ESRRG: variants seen among roughly 807,000 people sequenced by gnomAD.
ESRRG encodes estrogen-related receptor gamma.
In ESRRG, 13 loss-of-function variants were observed where a neutral mutation model predicts 44.0. The observed-to-expected ratio is 0.30, with a 90% CI of 0.19 to 0.47. ESRRG has a LOEUF of 0.47. ESRRG is among the 20% of genes least tolerant of loss of function. The pLI, the probability that ESRRG is intolerant of heterozygous loss-of-function variation, is 1.00. For synonymous variants in ESRRG, 215 were observed against 214.6 expected, an observed-to-expected ratio of 1.00 and a Z score of -0.02; for missense variants, 395 against 580.6, an observed-to-expected ratio of 0.68 and a Z score of 3.29.
At chr1:217,065,462 C>A (rs2089473093) in intron 1 of ESRRG, among the ~76,000 whole-genome samples, 1 of 152,228 alleles carries the variant, frequency 6.6e-6, no homozygotes, top group South Asian at 2.1e-4. Context: ...TTACCCATTT[C>A]TCTTTCAAAC....
At chr1:216,508,435 C>T (rs7513465) in intron 6 of ESRRG, among the ~76,000 whole-genome samples, 3,864 of 152,104 alleles carry the variant, frequency 0.025, 170 homozygotes, top group African/African-American at 0.089. Context: ...AATAAAGTTG[C>T]TTATAAGTAT....
chr1:216,546,818 T>C (rs904700032), intron 5 of ESRRG, among the ~76,000 whole-genome samples: 3 of 151,678 alleles, frequency 2.0e-5, no homozygotes, highest in Non-Finnish European at 4.4e-5. Flanking sequence ...TCTTTATATA[T>C]ATATATATAT....
intron 1 of ESRRG, among the ~76,000 whole-genome samples, chr1:217,086,207 G>A (rs2092076110): frequency 6.6e-6 from 1 of 152,162 alleles, no homozygotes; most frequent in African/African-American, 2.4e-5. Context: ...CTGGAGAAAA[G>A]AGAAGATCTG....
At chr1:216,778,417 G>C (rs1260980274) in intron 2 of ESRRG, among the ~76,000 whole-genome samples, 1 of 151,944 alleles carries the variant, frequency 6.6e-6, no homozygotes, top group African/African-American at 2.4e-5. Context: ...TGGTAGCAGA[G>C]GGAATGAATT....
chr1:216,907,876 C>A (rs971896348), intron 2 of ESRRG, among the ~76,000 whole-genome samples: 3 of 152,152 alleles, frequency 2.0e-5, no homozygotes, highest in Non-Finnish European at 4.4e-5. Context: ...CTTTCTGAGT[C>A]CCCTGTGCAA....
chr1:216,805,769 G>T (rs1479411643), intron 2 of ESRRG, among the ~76,000 whole-genome samples: 1 of 151,690 alleles, frequency 6.6e-6, no homozygotes. Flanking sequence ...TAACCTTTAG[G>T]TGTTCGGTTT....
intron 5 of ESRRG, among the ~76,000 whole-genome samples, chr1:216,519,814 T>TAAAAAAAAAAAAAAAAA (rs147923058): frequency 3.4e-5 from 4 of 118,960 alleles, no homozygotes; most frequent in African/African-American, 6.0e-5. Flanking sequence ...AACATAAAAG[T>TAAAAAAAAAAAAAAAAA]AAAAAAAAAA....
chr1:216,849,460 T>C (rs1220016705), intron 2 of ESRRG, among the ~76,000 whole-genome samples: 1 of 152,172 alleles, frequency 6.6e-6, no homozygotes, highest in African/African-American at 2.4e-5. Context: ...TCAAAAACTA[T>C]GTAAGGCTTT....
chr1:216,536,227 A>G (rs2050911540), intron 5 of ESRRG, among the ~76,000 whole-genome samples: 1 of 151,818 alleles, frequency 6.6e-6, no homozygotes, highest in Admixed American at 6.6e-5. Flanking sequence ...TATCACCAGT[A>G]CCCCCTTCTC....
At chr1:216,787,921 C>T (rs1478347397) in intron 2 of ESRRG, among the ~76,000 whole-genome samples, 1 of 152,124 alleles carries the variant, frequency 6.6e-6, no homozygotes, top group Non-Finnish European at 1.5e-5. Context: ...CCAGCCAAAA[C>T]ATTCCCATAA....
At chr1:216,517,644 A>G (rs180723365) in intron 6 of ESRRG, among the ~76,000 whole-genome samples, 107 of 152,314 alleles carry the variant, frequency 7.0e-4, no homozygotes, top group Non-Finnish European at 1.2e-3. Context: ...GTTATAAAAT[A>G]TTTCATCTCA....
At chr1:216,576,502 T>C (rs529343828) in intron 3 of ESRRG, among the ~76,000 whole-genome samples, 2 of 152,148 alleles carry the variant, frequency 1.3e-5, no homozygotes, top group East Asian at 1.9e-4. Context: ...GAGGCTTGCA[T>C]AGGAAATTAC....
chr1:217,021,049 T>TACATACACACAC (rs1553776561), intron 1 of ESRRG, among the ~76,000 whole-genome samples: 2 of 145,334 alleles, frequency 1.4e-5, no homozygotes, highest in Non-Finnish European at 3.0e-5. Flanking sequence ...CTGCCATGCA[T>TACATACACACAC]ACACACACAC....
At chr1:217,022,624 G>A (rs1229350551) in intron 1 of ESRRG, among the ~76,000 whole-genome samples, 2 of 152,178 alleles carry the variant, frequency 1.3e-5, no homozygotes, top group African/African-American at 4.8e-5. Context: ...CTGGATTAAT[G>A]GGAGCATCGA....
intron 2 of ESRRG, among the ~76,000 whole-genome samples, chr1:216,816,131 G>T (rs898216902): frequency 4.6e-5 from 7 of 152,104 alleles, no homozygotes; most frequent in Admixed American, 2.0e-4. Flanking sequence ...ATTCATCGTG[G>T]GTCATCAGAG....
intron 2 of ESRRG, among the ~76,000 whole-genome samples, chr1:216,929,099 T>C (rs1175666265): frequency 6.6e-6 from 1 of 152,130 alleles, no homozygotes; most frequent in Non-Finnish European, 1.5e-5. Flanking sequence ...AAGTAGTTAA[T>C]TTTCTCACCA....
chr1:216,602,518 G>C (rs79346491), intron 3 of ESRRG, among the ~76,000 whole-genome samples: 29,964 of 152,102 alleles, frequency 0.2, 3,747 homozygotes, highest in Non-Finnish European at 0.28. Flanking sequence ...ATGAACTATT[G>C]TGTCAGTTTA....
chr1:216,653,950 C>T (rs2069687641), intron 2 of ESRRG, among the ~76,000 whole-genome samples: 1 of 128,514 alleles, frequency 7.8e-6, no homozygotes, highest in African/African-American at 2.7e-5. Flanking sequence ...CCCATCTCTA[C>T]CAAAAAAAAA....
chr1:217,008,674 T>C (rs2150752939), intron 1 of ESRRG, among the ~76,000 whole-genome samples: 1 of 152,318 alleles, frequency 6.6e-6, no homozygotes, highest in South Asian at 2.1e-4. Context: ...CATCCCAACT[T>C]CTACTACAAG....
Sources: allele counts gnomAD v4.1 joint callset (sites outside exome capture counted in the v4.1 genomes callset), GRCh38; gene constraint gnomAD v4.1.1; transcripts MANE v1.5; gene names NCBI Gene and HGNC (gene_info 2026-07-23, HGNC 2026-07-21).